Variants in JMJD1C observed in about 807,000 individuals in gnomAD.
JMJD1C encodes the protein jumonji domain containing 1C, also known as jumonji domain-containing protein 1C.
Under a neutral mutation model 245.3 loss-of-function variants are expected in JMJD1C, and 31 were observed. That is an observed-to-expected ratio of 0.13 (90% confidence interval 0.09 to 0.17). JMJD1C has a LOEUF of 0.17. JMJD1C is among the 10% of genes least tolerant of loss of function. The probability of loss-of-function intolerance (pLI) is 1.00; values close to 1 mark genes in which losing one functional copy is unlikely to be tolerated. For missense variants in JMJD1C, 2,691 were observed against 3,000.2 expected, an observed-to-expected ratio of 0.90 and a Z score of 2.41; for synonymous variants, 1,057 against 1,017.4, an observed-to-expected ratio of 1.04 and a Z score of -0.74.
At chr10:63,297,386 T>C (rs1450358307) in intron 2 of JMJD1C, among the ~76,000 whole-genome samples, 1 of 152,228 alleles carries the variant, frequency 6.6e-6, no homozygotes, top group African/African-American at 2.4e-5. Context: ...ACTACCTGTC[T>C]GCAGATAGGA....
At chr10:63,268,438 T>G (rs1855890720) in intron 2 of JMJD1C, among the ~76,000 whole-genome samples, 1 of 152,196 alleles carries the variant, frequency 6.6e-6, no homozygotes, top group Admixed American at 6.5e-5. Flanking sequence ...ACTTCTGCCA[T>G]AATACTTTAA....
At chr10:63,459,227 T>TA (rs1214267292) in intron 1 of JMJD1C, among the ~76,000 whole-genome samples, 1 of 152,230 alleles carries the variant, frequency 6.6e-6, no homozygotes, top group Non-Finnish European at 1.5e-5. Context: ...AAAATGAGTT[T>TA]AGTCAATCAG....
intron 1 of JMJD1C, among the ~76,000 whole-genome samples, chr10:63,505,316 C>CA (rs145038480): frequency 0.087 from 4,902 of 56,624 alleles, 271 homozygotes; most frequent in African/African-American, 0.19. Context: ...GAGTCCGTCT[C>CA]AAAAAAAAAA....
intron 3 of JMJD1C, among the ~76,000 whole-genome samples, chr10:63,228,578 TAC>T (rs1849587060): frequency 6.6e-6 from 1 of 152,184 alleles, no homozygotes. Context: ...AGCTTGTAGG[TAC>T]AGTTTGCCTT....
At position 63,405,198 on chromosome 10, in the gene JMJD1C, A is replaced by C. The variant is rs547726221; in HGVS notation, c.169-24716T>G. Among the ~76,000 whole-genome samples the C allele has an allele frequency of 2.6e-5, 4 of 152,330 alleles. No homozygotes were observed. The East Asian group carries it at 7.7e-4, about 29-fold the overall frequency. ...ATTAAATCCTATAAAGTAGGTATTA[A>C]ATATGTTTTTCAGATGAGAACTCAA... On this transcript the variant is annotated intron_variant, in intron 1 of 25. Transcript: ENST00000399262.
At chr10:63,172,361 T>A (rs143873363) in intron 24 of JMJD1C, among the ~76,000 whole-genome samples, 166 of 152,282 alleles carry the variant, frequency 1.1e-3, no homozygotes, top group East Asian at 3.3e-3. Flanking sequence ...CATTTACATG[T>A]TTTACAAAAA....
chr10:63,430,964 TC>T (rs1176330551), intron 1 of JMJD1C, among the ~76,000 whole-genome samples: 1 of 152,122 alleles, frequency 6.6e-6, no homozygotes, highest in African/African-American at 2.4e-5. Flanking sequence ...GTTCATGCAA[TC>T]CTCCCACCTC....
chr10:63,509,600 T>C (rs528496637), intron 1 of JMJD1C, among the ~76,000 whole-genome samples: 80 of 152,332 alleles, frequency 5.3e-4, no homozygotes, highest in African/African-American at 1.9e-3. Flanking sequence ...TACAGGCCTA[T>C]TCAGATTGTC....
At position 63,361,719 on chromosome 10, in the gene JMJD1C, TAAAAAAAAAAAAA is replaced by T. The variant is rs55879769; in HGVS notation, c.333+18586_333+18598del. On this transcript the variant is annotated intron_variant, in intron 2 of 25. Coordinates refer to ENST00000399262, the MANE Select transcript of JMJD1C (RefSeq NM_032776.3). ...GGCAACAGAACAATACTGTCTCAAC[TAAAAAAAAAAAAA>T]AAAAAAAAAAAAAAAGAAAAAGAAT... is the stretch of plus-strand genomic sequence containing the variant. Among the ~76,000 whole-genome samples the T allele has an allele frequency of 1.6e-4, 15 of 95,548 alleles. No homozygotes were observed. In the East Asian group the frequency reaches 3.6e-3, roughly 23 times the overall value. 62.7% of individuals were successfully genotyped at this position (95,548 alleles called of 152,430 possible).
intron 3 of JMJD1C, among the ~76,000 whole-genome samples, chr10:63,255,612 C>T (rs1589299068): frequency 6.6e-6 from 1 of 152,104 alleles, no homozygotes; most frequent in East Asian, 1.9e-4. Context: ...ATACTCACAC[C>T]CTTTTAAAAC....
chr10:63,312,094 C>CTTTTTTT (rs35328965), intron 2 of JMJD1C, among the ~76,000 whole-genome samples: 5 of 64,024 alleles, frequency 7.8e-5, no homozygotes, highest in Admixed American at 1.8e-4. Context: ...AGTAGCTAAA[C>CTTTTTTT]TTTTTTTTTT....
chr10:63,185,451 T>C, intron 20 of JMJD1C, 112 bp downstream of exon 20: 1 of 717,126 alleles, frequency 1.4e-6, no homozygotes, highest in East Asian at 2.6e-5. Context: ...TATTTATTTT[T>C]AATTGAGAAA....
At chr10:63,247,959 T>C (rs552494633) in intron 3 of JMJD1C, among the ~76,000 whole-genome samples, 2 of 152,160 alleles carry the variant, frequency 1.3e-5, no homozygotes, top group East Asian at 3.9e-4. Flanking sequence ...CCTGGTACAG[T>C]GGCTCATGAC....
chr10:63,478,927 A>C (rs1205023398), intron 1 of JMJD1C, among the ~76,000 whole-genome samples: 3 of 152,170 alleles, frequency 2.0e-5, no homozygotes, highest in South Asian at 4.1e-4. Flanking sequence ...GGATCCTGCC[A>C]CTGCACTCCA....
Position 63,281,747 on chromosome 10 carries a change from G to C in JMJD1C, c.334-16983C>G, listed in dbSNP as rs562420356. Reference sequence around the variant, plus strand: ...GCCTTCCAAAGTGCTGGGATTACAGGCATGAGCCACCATGCCCAGCCAATC... The same window carrying C: ...GCCTTCCAAAGTGCTGGGATTACAGCCATGAGCCACCATGCCCAGCCAATC... On this transcript the variant is annotated intron_variant, in intron 2 of 25. Transcript: ENST00000399262. Among the ~76,000 whole-genome samples, 19 of 152,070 alleles carry C rather than the reference G, an allele frequency of 1.2e-4. 1 individual carries two copies. In the South Asian group the frequency reaches 3.9e-3, roughly 32 times the overall value.
At chr10:63,366,107 A>C (rs193041809) in intron 2 of JMJD1C, among the ~76,000 whole-genome samples, 2 of 152,226 alleles carry the variant, frequency 1.3e-5, no homozygotes, top group Non-Finnish European at 2.9e-5. Context: ...TTTGGGCCAC[A>C]AAGTAATAGC....
chr10:63,203,904 G>A, intron 10 of JMJD1C: 1 of 979,228 alleles, frequency 1.0e-6, no homozygotes, highest in Non-Finnish European at 1.2e-6. Flanking sequence ...CTAAACAATA[G>A]AAAGAAAATA....
intron 2 of JMJD1C, among the ~76,000 whole-genome samples, chr10:63,367,619 C>G (rs183676429): frequency 6.6e-6 from 1 of 152,282 alleles, no homozygotes; most frequent in East Asian, 1.9e-4. Context: ...TTCAACTTGC[C>G]TAAGCCAATG....
chr10:63,213,453 C>T lies in JMJD1C; in HGVS notation c.2694+20G>A, dbSNP rs749860477. On this transcript the variant is annotated intron_variant, in intron 8 of 25. Coordinates refer to ENST00000399262, the MANE Select transcript of JMJD1C (RefSeq NM_032776.3). ...TTCATTAATATATACTGCTATGTGG[C>T]AAACTACAGTGTAACTTACCCTCCT... is the stretch of plus-strand genomic sequence containing the variant. 12 of 1,443,682 alleles carry T rather than the reference C, an allele frequency of 8.3e-6. No homozygotes were observed. In the South Asian group the frequency reaches 1.2e-4, roughly 15 times the overall value. 89.4% of individuals were successfully genotyped at this position (1,443,682 alleles called of 1,614,324 possible).
Sources: gnomAD v4.1 joint callset for allele counts (sites outside exome capture counted in the v4.1 genomes callset) on GRCh38, gnomAD v4.1.1 for gene constraint, MANE v1.5 for transcripts, NCBI Gene and HGNC (gene_info 2026-07-23, HGNC 2026-07-21) for gene names.